Variants in HIP1 observed in about 807,000 individuals in gnomAD.
The protein encoded by HIP1 is huntingtin interacting protein 1, also known as huntingtin-interacting protein 1.
HIP1 carries 65 observed loss-of-function variants against 147.6 expected under a neutral mutation model. The observed-to-expected ratio is 0.44, with a 90% CI of 0.36 to 0.54. The LOEUF is 0.54. Ranked by LOEUF, HIP1 falls within the 20% of genes least tolerant of loss-of-function variation. The pLI is 0.00. For synonymous variants in HIP1, 479 were observed against 504.0 expected, an observed-to-expected ratio of 0.95 and a Z score of 0.67; for missense variants, 1,061 against 1,299.6, an observed-to-expected ratio of 0.82 and a Z score of 2.82.
Position 75,718,893 on chromosome 7 carries a change from G to A in HIP1, c.120+19908C>T, listed in dbSNP as rs577461792. On this transcript the variant is annotated intron_variant, in intron 1 of 30. Transcript: ENST00000336926. ...CAAAACTACACAGCTGCAAACTCAG[G>A]GAGTTCCCACCATATATCCTTGCCC... is the stretch of plus-strand genomic sequence containing the variant. Among the ~76,000 whole-genome samples the A allele has an allele frequency of 4.6e-5, 7 of 152,186 alleles. No individual in the cohort carries two copies. The South Asian group carries it at 1.5e-3, about 32-fold the overall frequency.
intron 1 of HIP1, among the ~76,000 whole-genome samples, chr7:75,688,901 G>A (rs1379859195): frequency 1.3e-5 from 2 of 152,136 alleles, no homozygotes; most frequent in African/African-American, 4.8e-5. Flanking sequence ...TTTGTCCTCT[G>A]AGGTCCCCTG....
intron 22 of HIP1, 135 bp from the exon 23 acceptor site, chr7:75,549,136 G>T: frequency 1.6e-6 from 1 of 630,946 alleles, no homozygotes; most frequent in East Asian, 2.7e-5. Context: ...GGGGTTGTGG[G>T]GGGGTCTTTT....
chr7:75,612,532 G>A (rs1339749441), intron 1 of HIP1, among the ~76,000 whole-genome samples: 1 of 151,304 alleles, frequency 6.6e-6, no homozygotes. Context: ...ATAAAGGCTG[G>A]GCGCGGTGGC....
intron 1 of HIP1, among the ~76,000 whole-genome samples, chr7:75,607,731 T>C (rs1228487622): frequency 2.7e-5 from 4 of 150,108 alleles, no homozygotes; most frequent in Non-Finnish European, 5.9e-5. Flanking sequence ...TAAATAAAAA[T>C]AAAAAAAGAA....
chr7:75,539,335 C>T lies in HIP1; in HGVS notation c.3049G>A (p.Gly1017Ser). ...KHYELAGVAE[G>S]WEEGTEASPP... Reference sequence around the variant, plus strand: ...GGAGTCAGCTTACCTTCTTCCCAGCCCTCAGCAACACCAGCAAGCTCGTAG... The same window carrying T: ...GGAGTCAGCTTACCTTCTTCCCAGCTCTCAGCAACACCAGCAAGCTCGTAG... The change falls in exon 30 of 31, where the codon GGC becomes AGC. Residue 1017 changes from glycine (G) to serine (S), a missense_variant. Gly to Ser is a moderately conservative substitution (Grantham distance 56). Transcript: ENST00000336926. The T allele has an allele frequency of 1.2e-6, 2 of 1,613,782 alleles. No individual in the cohort carries two copies. Among genetic ancestry groups the T allele is most frequent in the Non-Finnish European group, 1.7e-6 (2 of 1,179,664 alleles).
At chr7:75,650,402 A>G (rs1798932317) in intron 1 of HIP1, among the ~76,000 whole-genome samples, 1 of 149,270 alleles carries the variant, frequency 6.7e-6, no homozygotes. Context: ...AGGTTTTTCC[A>G]CTGCTTCTCC....
intron 14 of HIP1, 26 bp downstream of exon 14, chr7:75,559,706 C>CGG: frequency 1.3e-6 from 1 of 764,178 alleles, no homozygotes; most frequent in Non-Finnish European, 2.0e-6. Flanking sequence ...CCCCGGGGCC[C>CGG]GCCCCCGCCC....
At chr7:75,618,408 C>G (rs1012683271) in intron 1 of HIP1, among the ~76,000 whole-genome samples, 6 of 152,178 alleles carry the variant, frequency 3.9e-5, no homozygotes, top group Non-Finnish European at 7.3e-5. Flanking sequence ...GCCTCAGCCT[C>G]CCAAAGTGCT....
At chr7:75,677,201 AAAAAATAAAAAT>A (rs1212572572) in intron 1 of HIP1, among the ~76,000 whole-genome samples, 9 of 113,768 alleles carry the variant, frequency 7.9e-5, no homozygotes, top group African/African-American at 3.3e-4. Flanking sequence ...ATCTCAAAAT[AAAAAATAAAAAT>A]AAAAATAAAA....
At chr7:75,633,893 G>A (rs1339116779) in intron 1 of HIP1, among the ~76,000 whole-genome samples, 1 of 152,096 alleles carries the variant, frequency 6.6e-6, no homozygotes, top group Non-Finnish European at 1.5e-5. Context: ...TGCTGGGTAA[G>A]TCAGGTGTCT....
At chr7:75,645,570 C>T (rs1457734957) in intron 1 of HIP1, among the ~76,000 whole-genome samples, 4 of 152,090 alleles carry the variant, frequency 2.6e-5, no homozygotes, top group African/African-American at 9.7e-5. Context: ...ACCATTTGAC[C>T]TGGCAATTCC....
intron 1 of HIP1, among the ~76,000 whole-genome samples, chr7:75,666,443 T>C (rs1443502328): frequency 1.3e-5 from 2 of 152,168 alleles, no homozygotes; most frequent in Non-Finnish European, 2.9e-5. Flanking sequence ...GTGCTGGGAT[T>C]ACAGGCGTGA....
At chr7:75,627,124 C>T (rs10216078) in intron 1 of HIP1, among the ~76,000 whole-genome samples, 17,296 of 152,080 alleles carry the variant, frequency 0.11, 1,423 homozygotes, top group African/African-American at 0.23. Context: ...AGCCCCAGCC[C>T]GGCAAACTAC....
At chr7:75,638,807 G>A (rs1020575184) in intron 1 of HIP1, among the ~76,000 whole-genome samples, 24 of 152,158 alleles carry the variant, frequency 1.6e-4, no homozygotes, top group African/African-American at 5.8e-4. Flanking sequence ...GGAGTCCAGC[G>A]CGATCTCCCG....
At position 75,533,609 on chromosome 7, in the gene HIP1, G is replaced by A. The variant is rs1255783233; in HGVS notation, c.*4563C>T. On this transcript the variant is annotated 3_prime_UTR_variant, in exon 31 of 31. Coordinates refer to ENST00000336926, the MANE Select transcript of HIP1 (RefSeq NM_005338.7). Reference sequence around the variant, plus strand: ...CACCAAGATGTAACCGAACCCCCTCGGTTTGTCCCTATGAGTGGTAATCAG... The same window carrying A: ...CACCAAGATGTAACCGAACCCCCTCAGTTTGTCCCTATGAGTGGTAATCAG... The A allele has an allele frequency of 3.0e-5, 7 of 232,368 alleles. No homozygotes were observed. The highest frequency in any genetic ancestry group is 1.1e-4 in the African/African-American group (5 of 45,274). 14.4% of individuals were successfully genotyped at this position (232,368 alleles called of 1,614,324 possible).
At chr7:75,570,293 T>TC (rs1399510955) in intron 8 of HIP1, among the ~76,000 whole-genome samples, 35 of 148,972 alleles carry the variant, frequency 2.3e-4, no homozygotes, top group African/African-American at 7.6e-4. Context: ...GTGACACGTT[T>TC]CTTTTTTTTT....
chr7:75,593,013 G>T (rs782220696), intron 2 of HIP1, among the ~76,000 whole-genome samples: 1 of 152,176 alleles, frequency 6.6e-6, no homozygotes, highest in Non-Finnish European at 1.5e-5. Context: ...CTGTCACCCA[G>T]ACTGGAGTGC....
chr7:75,684,919 G>A (rs897032631), intron 1 of HIP1, among the ~76,000 whole-genome samples: 1 of 151,756 alleles, frequency 6.6e-6, no homozygotes, highest in Non-Finnish European at 1.5e-5. Flanking sequence ...GTGAAACCCC[G>A]TCTCTACTAA....
At chr7:75,711,768 G>A (rs534520867) in intron 1 of HIP1, among the ~76,000 whole-genome samples, 131 of 152,260 alleles carry the variant, frequency 8.6e-4, no homozygotes, top group African/African-American at 3.1e-3. Context: ...CTCTGCATCT[G>A]CAGCTGACTT....
Sources: gnomAD v4.1 joint callset for allele counts (sites outside exome capture counted in the v4.1 genomes callset) on GRCh38, gnomAD v4.1.1 for gene constraint, MANE v1.5 for transcripts, NCBI Gene and HGNC (gene_info 2026-07-23, HGNC 2026-07-21) for gene names.